SMAD3: variants seen among roughly 807,000 people sequenced by gnomAD.
SMAD3 encodes MAD homolog 3.
In SMAD3, 12 loss-of-function variants were observed where a neutral mutation model predicts 51.8. The observed-to-expected ratio is 0.23, with a 90% CI of 0.15 to 0.38. The LOEUF (loss-of-function observed/expected upper bound fraction) is 0.38. SMAD3 is among the 10% of genes least tolerant of loss of function. SMAD3 has a pLI of 1.00. For synonymous variants in SMAD3, 238 were observed against 227.7 expected (o/e 1.05, Z -0.41); for missense variants, 294 against 565.6 (o/e 0.52, Z 4.87).
chr15:67,178,861 C>CCCTTCCCCATTAAGTACTTTTGATG lies in SMAD3; in HGVS notation c.659-2374_659-2350dup, dbSNP rs557894790. ...AGCTGCTCCTGGCCCTGTCATTCCT[C>CCCTTCCCCATTAAGTACTTTTGATG]CCTTCCCCATTAAGTACTTTTGATG... On this transcript the variant is annotated intron_variant, in intron 5 of 8. Coordinates refer to ENST00000327367, the MANE Select transcript of SMAD3 (RefSeq NM_005902.4). 8.0e-4 allele frequency among the ~76,000 whole-genome samples: 122 copies of CCCTTCCCCATTAAGTACTTTTGATG among 152,288 alleles called. 4 individuals carry two copies. In the East Asian group the frequency reaches 0.014, roughly 17 times the overall value.
At chr15:67,082,338 G>T (rs997194016) in intron 1 of SMAD3, among the ~76,000 whole-genome samples, 1 of 152,166 alleles carries the variant, frequency 6.6e-6, no homozygotes, top group African/African-American at 2.4e-5. Flanking sequence ...GTTTCAAGCA[G>T]TTGCGATTTC....
rs1487780769 is a variant in SMAD3, at chr15:67,193,638, CAT to C, written c.*3103_*3104del. 22 of 233,190 alleles carry C rather than the reference CAT, an allele frequency of 9.4e-5. No homozygotes were observed. Among genetic ancestry groups the C allele is most frequent in the African/African-American group, 3.1e-4 (14 of 45,308 alleles). 14.4% of individuals were successfully genotyped at this position (233,190 alleles called of 1,614,324 possible). A position where few individuals can be genotyped will look rare whatever the true frequency, so the allele number is the denominator to read the frequency against. ...GACTTTGACTCTTAGGAAGAGCACA[CAT>C]GAGGGCAAGGCTGCTGGCAGACGTC... On this transcript the variant is annotated 3_prime_UTR_variant, in exon 9 of 9. Transcript: ENST00000327367.
chr15:67,076,138 A>T (rs1960164418), intron 1 of SMAD3, among the ~76,000 whole-genome samples: 1 of 152,166 alleles, frequency 6.6e-6, no homozygotes, highest in Non-Finnish European at 1.5e-5. Context: ...TAGGAAAAGG[A>T]TCTACTTCAA....
rs1339603307 is a variant in SMAD3, at chr15:67,166,659, G to A, written c.533-120G>A. 5 of 739,920 alleles carry A rather than the reference G, an allele frequency of 6.8e-6. No homozygotes were observed. In the Admixed American group the frequency reaches 1.0e-4, roughly 15 times the overall value. The allele number at this position is 739,920 out of a possible 1,614,324, so 45.8% of individuals were successfully genotyped here. On this transcript the variant is annotated intron_variant, in intron 3 of 8. Transcript: ENST00000327367. ...AGCTGGAACCTCTACTCCAAGACCT[G>A]GAGCTCCTACAGCCACGGATGCTAG...
intron 3 of SMAD3, chr15:67,166,086 C>A: frequency 1.3e-6 from 1 of 740,918 alleles, no homozygotes; most frequent in Non-Finnish European, 1.7e-6. Flanking sequence ...GGTTAGTTTA[C>A]TGGGCTGAGA....
chr15:67,109,376 C>G (rs959068546), intron 1 of SMAD3, among the ~76,000 whole-genome samples: 1 of 152,108 alleles, frequency 6.6e-6, no homozygotes, highest in Non-Finnish European at 1.5e-5. Flanking sequence ...ACTTGTGGCC[C>G]TCATCTGTAA....
At position 67,111,055 on chromosome 15, in the gene SMAD3, AGT is replaced by A. The variant is rs774818253; in HGVS notation, c.206+44698_206+44699del. Among the ~76,000 whole-genome samples, 10 of 152,350 alleles carry A rather than the reference AGT, an allele frequency of 6.6e-5. 1 individual carries two copies. In the East Asian group the frequency reaches 1.7e-3, roughly 26 times the overall value. On this transcript the variant is annotated intron_variant, in intron 1 of 8. Transcript: ENST00000327367. ...TAAGGGATATGATTTAGTGGTTTTT[AGT>A]GTATTAATGGAGTTGTACAACCATC...
At chr15:67,155,583 G>C (rs1042731076) in intron 1 of SMAD3, among the ~76,000 whole-genome samples, 4 of 152,180 alleles carry the variant, frequency 2.6e-5, no homozygotes, top group Non-Finnish European at 5.9e-5. Flanking sequence ...TGCCTTCCCA[G>C]AAGGTCCGAT....
chr15:67,116,158 G>A (rs1005730751), intron 1 of SMAD3, among the ~76,000 whole-genome samples: 7 of 152,212 alleles, frequency 4.6e-5, no homozygotes, highest in African/African-American at 1.7e-4. Context: ...CTTGGGTGAT[G>A]GATTATGGAG....
intron 1 of SMAD3, among the ~76,000 whole-genome samples, chr15:67,134,005 A>G (rs1428316902): frequency 6.6e-6 from 1 of 151,944 alleles, no homozygotes; most frequent in Non-Finnish European, 1.5e-5. Flanking sequence ...AGCACTTGAG[A>G]TATTTTCACG....
At chr15:67,151,270 A>G (rs1475162647) in intron 1 of SMAD3, among the ~76,000 whole-genome samples, 2 of 152,168 alleles carry the variant, frequency 1.3e-5, no homozygotes, top group Non-Finnish European at 2.9e-5. Context: ...AGAGGGTCTA[A>G]GATGAGACCA....
chr15:67,149,334 A>C (rs147793459), intron 1 of SMAD3, among the ~76,000 whole-genome samples: 4,990 of 152,248 alleles, frequency 0.033, 116 homozygotes, highest in Non-Finnish European at 0.048. Flanking sequence ...GTGGGTGGGC[A>C]GGTGCTCTGA....
intron 4 of SMAD3, 51 bp from the exon 5 acceptor site, chr15:67,170,503 C>G (rs758348850): frequency 2.0e-6 from 3 of 1,516,634 alleles, no homozygotes; most frequent in Non-Finnish European, 2.7e-6. Context: ...TAACTTGGCT[C>G]TCCAGGCCAA....
chr15:67,172,789 C>G (rs1460807942), intron 5 of SMAD3, among the ~76,000 whole-genome samples: 1 of 152,212 alleles, frequency 6.6e-6, no homozygotes, highest in Non-Finnish European at 1.5e-5. Flanking sequence ...TGGCATGACA[C>G]TGCCTTGCTG....
rs1307148130 is a variant in SMAD3 at position 67,193,726 on chromosome 15, T to G, written c.*3190T>G. The G allele has an allele frequency of 4.3e-6, 1 of 233,456 alleles. No individual in the cohort carries two copies. Among genetic ancestry groups the G allele is most frequent in the African/African-American group, 2.2e-5 (1 of 45,324 alleles). The allele number at this position is 233,456 out of a possible 1,614,324, so 14.5% of individuals were successfully genotyped here. ...TTTTTTTATTGACCATGGTGATTATTTTTTTAAACCATCGTTAATATACTG... is the reference window on the plus strand; with the variant it reads ...TTTTTTTATTGACCATGGTGATTATGTTTTTAAACCATCGTTAATATACTG... On this transcript the variant is annotated 3_prime_UTR_variant, in exon 9 of 9. Transcript: ENST00000327367.
At chr15:67,147,075 G>C (rs1040309771) in intron 1 of SMAD3, 1 of 152,266 alleles carries the variant, frequency 6.6e-6, no homozygotes, top group African/African-American at 2.4e-5. Context: ...TTCACTTCCC[G>C]TCGTCAACTC....
intron 1 of SMAD3, among the ~76,000 whole-genome samples, chr15:67,082,726 A>C (rs1010847942): frequency 2.0e-5 from 3 of 152,238 alleles, no homozygotes; most frequent in Admixed American, 2.0e-4. Context: ...AGAGCTAATC[A>C]CTAACTTCAA....
At chr15:67,184,907 C>G in intron 7 of SMAD3, 43 bp downstream of exon 7, 1 of 1,610,908 alleles carries the variant, frequency 6.2e-7, no homozygotes. Context: ...GGTCCCTCTC[C>G]GAGTGCATGC....
intron 1 of SMAD3, chr15:67,138,096 G>A: frequency 6.4e-7 from 1 of 1,551,418 alleles, no homozygotes; most frequent in Non-Finnish European, 8.7e-7. Flanking sequence ...ATGGTGGATG[G>A]GGAGGTAGGA....
Sources: gnomAD v4.1 joint callset for allele counts (sites outside exome capture counted in the v4.1 genomes callset) on GRCh38, gnomAD v4.1.1 for gene constraint, MANE v1.5 for transcripts, NCBI Gene and HGNC (gene_info 2026-07-23, HGNC 2026-07-21) for gene names.